The following SPTLC2 variants were observed in gnomAD, a reference collection of about 807,000 sequenced individuals.
SPTLC2 encodes serine palmitoyltransferase long chain base subunit 2, also known as serine palmitoyltransferase 2.
A neutral mutation model predicts 62.0 loss-of-function variants in SPTLC2; 21 were observed. That is an observed-to-expected ratio of 0.34 (90% CI 0.24 to 0.49). The LOEUF is 0.49. Among genes scored for constraint, SPTLC2 ranks in the 20% least tolerant of loss-of-function variants. The pLI is 0.99. For synonymous variants in SPTLC2, 261 were observed against 261.8 expected (o/e 1.00, Z 0.03); for missense variants, 511 against 713.0 (o/e 0.72, Z 3.23).
At chr14:77,529,765 G>T (rs1336367133) in intron 9 of SPTLC2, among the ~76,000 whole-genome samples, 1 of 151,618 alleles carries the variant, frequency 6.6e-6, no homozygotes, top group East Asian at 1.9e-4. Context: ...TGGGATTACA[G>T]ATGTGCGCCA....
At chr14:77,573,257 CT>C (rs2079694223) in intron 4 of SPTLC2, among the ~76,000 whole-genome samples, 1 of 152,010 alleles carries the variant, frequency 6.6e-6, no homozygotes, top group Admixed American at 6.6e-5. Context: ...GAAATAAGTT[CT>C]AATGTTTGAT....
In SPTLC2 at chr14:77,552,125, C is replaced by T; in HGVS notation, c.1274G>A (p.Cys425Tyr). 1.9e-6 allele frequency: 3 copies of T among 1,614,104 alleles called. No individual in the cohort carries two copies. The highest frequency in any genetic ancestry group is 2.2e-5 in the East Asian group (1 of 44,882). The change falls in exon 9 of 12, where the codon TGC (cysteine) becomes TAC (tyrosine). Residue 425 changes from cysteine (C) to tyrosine (Y), a missense_variant. By Grantham distance (194) the Cys-to-Tyr change is radical. Coordinates refer to ENST00000216484, the MANE Select transcript of SPTLC2 (RefSeq NM_004863.4). ...GCTGGTGCCATCCTGCCCCATGATGCACTTCATGGAGGTGATGATCTGCTC... is the reference window on the plus strand; with the variant it reads ...GCTGGTGCCATCCTGCCCCATGATGTACTTCATGGAGGTGATGATCTGCTC... ...VVEQIITSMK[C>Y]IMGQDGTSLG...
chr14:77,523,567 A>C (rs1189703889), intron 9 of SPTLC2, among the ~76,000 whole-genome samples: 4 of 152,228 alleles, frequency 2.6e-5, no homozygotes, highest in Non-Finnish European at 5.9e-5. Context: ...GCATGAAAAG[A>C]AACTAGCAGA....
chr14:77,531,533 G>C (rs561672149), intron 9 of SPTLC2, among the ~76,000 whole-genome samples: 45 of 108,122 alleles, frequency 4.2e-4, no homozygotes, highest in African/African-American at 1.5e-3. Context: ...TCTTTTTTGT[G>C]ATGGAGTTTT....
rs1491071623 is a variant in SPTLC2, at chr14:77,509,564, C to CA, written c.*2719dup. ...TAACCGGTATCTGTTTGAATCCTAT[C>CA]AGAGTCTTGAATCAGGCCGTGTTAA... is the stretch of plus-strand genomic sequence containing the variant. On this transcript the variant is annotated 3_prime_UTR_variant, in exon 12 of 12. Transcript: ENST00000216484. 3 of 247,988 alleles carry CA rather than the reference C, an allele frequency of 1.2e-5. No homozygotes were observed. Among genetic ancestry groups the CA allele is most frequent in the African/African-American group, 6.6e-5 (3 of 45,410 alleles). 15.4% of individuals were successfully genotyped at this position (247,988 alleles called of 1,614,324 possible). A position where few individuals can be genotyped will look rare whatever the true frequency, so the allele number is the denominator to read the frequency against.
At chr14:77,584,500 G>T (rs1340455230) in intron 2 of SPTLC2, among the ~76,000 whole-genome samples, 1 of 133,932 alleles carries the variant, frequency 7.5e-6, no homozygotes, top group African/African-American at 2.8e-5. Context: ...TACATACTCT[G>T]CACACTCTTA....
At chr14:77,588,183 C>T (rs924433589) in intron 2 of SPTLC2, among the ~76,000 whole-genome samples, 4 of 152,160 alleles carry the variant, frequency 2.6e-5, no homozygotes, top group Admixed American at 2.6e-4. Flanking sequence ...AACAATCCTC[C>T]TGCCTCAGTC....
At chr14:77,588,022 A>G (rs894181433) in intron 2 of SPTLC2, among the ~76,000 whole-genome samples, 2 of 152,014 alleles carry the variant, frequency 1.3e-5, no homozygotes, top group African/African-American at 4.8e-5. Flanking sequence ...GCAGCCTCAA[A>G]TTCTTGGACT....
At chr14:77,536,524 T>C (rs568669715) in intron 9 of SPTLC2, among the ~76,000 whole-genome samples, 2 of 152,280 alleles carry the variant, frequency 1.3e-5, no homozygotes, top group African/African-American at 4.8e-5. Context: ...GCACCTCTTA[T>C]GACAATAAAT....
chr14:77,513,016 CTTTTT>C (rs1190713237), intron 11 of SPTLC2, among the ~76,000 whole-genome samples: 18 of 62,820 alleles, frequency 2.9e-4, no homozygotes, highest in South Asian at 7.6e-4. Context: ...AACCCAGCAA[CTTTTT>C]TTTTTTTTTT....
chr14:77,521,649 TCTC>T (rs778063360), intron 9 of SPTLC2, 68 bp from the exon 10 acceptor site: 1 of 1,353,462 alleles, frequency 7.4e-7, no homozygotes, highest in Non-Finnish European at 1.1e-6. Flanking sequence ...AGACAGTAAA[TCTC>T]CTCTATCTCC....
chr14:77,595,003 C>T (rs558282095), intron 2 of SPTLC2, among the ~76,000 whole-genome samples: 1 of 152,224 alleles, frequency 6.6e-6, no homozygotes, highest in South Asian at 2.1e-4. Flanking sequence ...GAGGGCTATA[C>T]AAAATCAACG....
intron 11 of SPTLC2, among the ~76,000 whole-genome samples, chr14:77,513,586 A>T (rs1431048604): frequency 2.6e-5 from 4 of 152,154 alleles, no homozygotes; most frequent in Non-Finnish European, 4.4e-5. Context: ...GACAAGATGT[A>T]ATAATTTAAG....
rs2079733350 is a variant in SPTLC2 at position 77,579,079 on chromosome 14, T to C, written c.358A>G (p.Asn120Asp). 1 of 1,614,110 alleles carries C rather than the reference T, an allele frequency of 6.2e-7. No homozygotes were observed. The change falls in exon 3 of 12, where the codon AAC (asparagine) becomes GAC (aspartate). Residue 120 changes from asparagine to aspartate, a missense_variant. Physicochemically the swap from Asn to Asp is conservative, Grantham distance 23. Coordinates refer to ENST00000216484, the MANE Select transcript of SPTLC2 (RefSeq NM_004863.4). ...DFVSLYQDFE[N>D]FYTRNLYMRI... ...ATGTACAGATTCCTTGTATAAAAGTTTTCAAAATCTTGATACAATGACACA... is the reference window on the plus strand; with the variant it reads ...ATGTACAGATTCCTTGTATAAAAGTCTTCAAAATCTTGATACAATGACACA...
intron 10 of SPTLC2, among the ~76,000 whole-genome samples, chr14:77,519,433 T>A (rs1437016885): frequency 6.6e-6 from 1 of 151,660 alleles, no homozygotes; most frequent in African/African-American, 2.4e-5. Flanking sequence ...AATAAAAAAA[T>A]GTGGCCGGGC....
intron 9 of SPTLC2, among the ~76,000 whole-genome samples, chr14:77,545,364 T>G (rs1594981273): frequency 6.6e-6 from 1 of 151,938 alleles, no homozygotes; most frequent in South Asian, 2.1e-4. Flanking sequence ...CCTCCCAGGT[T>G]CAAGCCATTC....
At chr14:77,533,383 T>C (rs1594974696) in intron 9 of SPTLC2, among the ~76,000 whole-genome samples, 1 of 151,948 alleles carries the variant, frequency 6.6e-6, no homozygotes, top group Admixed American at 6.6e-5. Context: ...ACAGTTTTTG[T>C]AGAAATAATA....
intron 9 of SPTLC2, among the ~76,000 whole-genome samples, chr14:77,527,411 T>C (rs1184680535): frequency 6.6e-6 from 1 of 152,156 alleles, no homozygotes; most frequent in Admixed American, 6.6e-5. Context: ...GGGTAGAGGT[T>C]GAAGGAGCGC....
chr14:77,601,124 G>GT (rs1169417879), intron 1 of SPTLC2, among the ~76,000 whole-genome samples: 1 of 152,002 alleles, frequency 6.6e-6, no homozygotes, highest in Non-Finnish European at 1.5e-5. Context: ...TTCTTTTCTT[G>GT]TTTTTTACGA....
Sources: allele counts gnomAD v4.1 joint callset (sites outside exome capture counted in the v4.1 genomes callset), GRCh38; gene constraint gnomAD v4.1.1; transcripts MANE v1.5; gene names NCBI Gene and HGNC (gene_info 2026-07-23, HGNC 2026-07-21).